NDUFA10: variants seen among roughly 807,000 people sequenced by gnomAD.
NDUFA10 encodes NADH dehydrogenase [ubiquinone] 1 alpha subcomplex subunit 10, mitochondrial.
NDUFA10 carries 40 observed loss-of-function variants against 47.8 expected under a neutral mutation model. The observed-to-expected ratio is 0.84, with a 90% CI of 0.65 to 1.09. The LOEUF is 1.09. Ranked by LOEUF, NDUFA10 falls within the 50% of genes least tolerant of loss-of-function variation. NDUFA10 has a pLI of 0.00. For synonymous variants in NDUFA10, 183 were observed against 172.2 expected (o/e 1.06, Z -0.49); for missense variants, 413 against 451.1 (o/e 0.92, Z 0.76).
At chr2:239,968,915 G>C (rs1695199741) in intron 9 of NDUFA10, among the ~76,000 whole-genome samples, 1 of 152,170 alleles carries the variant, frequency 6.6e-6, no homozygotes, top group South Asian at 2.1e-4. Flanking sequence ...CCTTGATACT[G>C]GGCTAAGCCC....
intron 5 of NDUFA10, among the ~76,000 whole-genome samples, chr2:239,893,302 C>A (rs1693330544): frequency 6.6e-6 from 1 of 152,032 alleles, no homozygotes; most frequent in Non-Finnish European, 1.5e-5. Context: ...CTCTGATTGG[C>A]CCAGCGTGGA....
chr2:239,910,615 T>A (rs1250036725), intron 4 of NDUFA10, among the ~76,000 whole-genome samples: 1 of 152,048 alleles, frequency 6.6e-6, no homozygotes, highest in East Asian at 1.9e-4. Flanking sequence ...GATGCTGGGC[T>A]TAGTACCTGG....
In NDUFA10 at chr2:240,021,351, C is replaced by A. The variant is rs1360035092; in HGVS notation, c.306G>T (p.Lys102Asn). 1.2e-6 allele frequency: 2 copies of A among 1,614,212 alleles called. No individual in the cohort carries two copies. The highest frequency in any genetic ancestry group is 2.2e-5 in the South Asian group (2 of 91,086). Residue 102 changes from lysine to asparagine, a missense_variant, in exon 3 of 10, where the codon AAG (lysine) becomes AAT (asparagine). Coordinates refer to ENST00000252711, the MANE Select transcript of NDUFA10 (RefSeq NM_004544.4). ...TGCCATTATAGTCGGTGGCGAGGGG[C>A]TTCCCATCTCCTGTGGTACTGTCTG... The part of the protein sequence containing the change: ...HYPDSTTGDG[K>N]PLATDYNGNC...
chr2:239,934,805 T>C (rs534713948), intron 4 of NDUFA10, among the ~76,000 whole-genome samples: 2 of 152,266 alleles, frequency 1.3e-5, no homozygotes, highest in South Asian at 4.1e-4. Flanking sequence ...GCTCTCTCTG[T>C]CCACCGCATG....
chr2:239,911,670 A>AGAGTGTGTGTGTGTGTGT (rs1553554441), intron 4 of NDUFA10, among the ~76,000 whole-genome samples: 1 of 146,536 alleles, frequency 6.8e-6, no homozygotes, highest in Non-Finnish European at 1.5e-5. Context: ...AACATGAGAG[A>AGAGTGTGTGTGTGTGTGT]GTGTGTGTGC....
At chr2:239,982,323 T>A in intron 9 of NDUFA10, 1 of 1,462,270 alleles carries the variant, frequency 6.8e-7, no homozygotes, top group Non-Finnish European at 9.2e-7. Context: ...AAGCAAAACC[T>A]GAACTCTTTT....
chr2:239,935,422 C>A (rs762785994), intron 4 of NDUFA10, among the ~76,000 whole-genome samples: 3 of 152,214 alleles, frequency 2.0e-5, no homozygotes, highest in African/African-American at 7.2e-5. Flanking sequence ...GCCGACAGGG[C>A]CGTGTGGGGG....
intron 4 of NDUFA10, among the ~76,000 whole-genome samples, chr2:239,923,144 A>T (rs1694016295): frequency 6.6e-6 from 1 of 152,246 alleles, no homozygotes. Context: ...ATACATAGCC[A>T]CTGAGCAACA....
intron 4 of NDUFA10, chr2:240,017,747 G>A (rs1182443833): frequency 6.1e-6 from 8 of 1,308,882 alleles, no homozygotes; most frequent in African/African-American, 1.5e-5. Flanking sequence ...AAGCTCACAG[G>A]TGGAGTACCG....
intron 7 of NDUFA10, among the ~76,000 whole-genome samples, chr2:240,006,247 A>AAAACAG (rs1302749704): frequency 6.6e-6 from 1 of 152,240 alleles, no homozygotes; most frequent in Non-Finnish European, 1.5e-5. Context: ...AAATACTCTA[A>AAAACAG]AAACAGAAAC....
intron 9 of NDUFA10, among the ~76,000 whole-genome samples, chr2:239,984,243 A>C (rs1379628616): frequency 2.0e-5 from 3 of 152,046 alleles, no homozygotes; most frequent in Non-Finnish European, 2.9e-5. Flanking sequence ...CAAAAAAAAA[A>C]AACAAAAAAC....
At chr2:239,988,583 C>T (rs1445165682) in intron 9 of NDUFA10, among the ~76,000 whole-genome samples, 2 of 152,158 alleles carry the variant, frequency 1.3e-5, no homozygotes, top group African/African-American at 2.4e-5. Context: ...AGGAAGCCGC[C>T]GAACAAGCTC....
At chr2:240,011,042 A>G (rs1043203671) in intron 6 of NDUFA10, among the ~76,000 whole-genome samples, 2 of 152,170 alleles carry the variant, frequency 1.3e-5, no homozygotes, top group African/African-American at 2.4e-5. Context: ...TTCCTTACAC[A>G]CGAATATACC....
chr2:239,943,185 TC>T (rs1474387879), intron 4 of NDUFA10: 1 of 154,440 alleles, frequency 6.5e-6, no homozygotes, highest in Non-Finnish European at 1.5e-5. Flanking sequence ...ATTGCAAGAC[TC>T]CCTGTCTCCA....
chr2:240,006,937 T>C (rs1696969994), intron 7 of NDUFA10, among the ~76,000 whole-genome samples: 1 of 152,250 alleles, frequency 6.6e-6, no homozygotes, highest in Non-Finnish European at 1.5e-5. Context: ...TAAAGTTCCC[T>C]GAAAACTACA....
At chr2:240,025,100 C>G (rs970909521) in intron 1 of NDUFA10, 127 bp downstream of exon 1, 99 of 1,005,670 alleles carry the variant, frequency 9.8e-5, no homozygotes, top group Non-Finnish European at 1.3e-4. Context: ...GGAGGGGTCC[C>G]CCAAACCCAC....
intron 2 of NDUFA10, 149 bp from the exon 3 acceptor site, chr2:240,021,561 G>A: frequency 6.9e-6 from 5 of 725,752 alleles, no homozygotes; most frequent in Non-Finnish European, 1.2e-5. Flanking sequence ...ACATGCCTGG[G>A]TTTCATCACG....
rs1428895359 is a variant in NDUFA10, at chr2:239,915,070, TAC to T, written c.295-19758_295-19757del. On this transcript the variant is annotated intron_variant, in intron 4 of 5. Transcript: ENST00000419408. ...ACACATACACAGACACACACAAATA[TAC>T]AGACACACACAGAGACAGAGATACA... Among the ~76,000 whole-genome samples, 22 of 120,256 alleles carry T rather than the reference TAC, an allele frequency of 1.8e-4. 2 individuals are homozygous for T. Among genetic ancestry groups the T allele is most frequent in the Admixed American group, 1.1e-3 (14 of 12,262 alleles). 78.9% of individuals were successfully genotyped at this position (120,256 alleles called of 152,430 possible). A position where few individuals can be genotyped will look rare whatever the true frequency, so the allele number is the denominator to read the frequency against.
At chr2:239,895,663 T>C (rs1010979054) in intron 4 of NDUFA10, among the ~76,000 whole-genome samples, 14 of 152,248 alleles carry the variant, frequency 9.2e-5, no homozygotes, top group African/African-American at 3.4e-4. Flanking sequence ...TATTGTGCAA[T>C]GTCAGTTTTA....
Sources: allele counts gnomAD v4.1 joint callset (sites outside exome capture counted in the v4.1 genomes callset), GRCh38; gene constraint gnomAD v4.1.1; transcripts MANE v1.5; gene names NCBI Gene and HGNC (gene_info 2026-07-23, HGNC 2026-07-21).